Variants in DPP10 observed in about 807,000 individuals in gnomAD.
DPP10 encodes the protein dipeptidyl peptidase like 10.
DPP10 carries 33 observed loss-of-function variants against 120.9 expected under a neutral mutation model. The ratio of observed to expected loss-of-function variants is 0.27; its 90% confidence interval spans 0.21 to 0.37. DPP10 has a LOEUF of 0.37. Among genes scored for constraint, DPP10 ranks in the 10% least tolerant of loss-of-function variants. The pLI is 1.00. For missense variants in DPP10, 816 were observed against 942.8 expected (o/e 0.87, Z 1.76); for synonymous variants, 337 against 326.1 (o/e 1.03, Z -0.36).
Position 115,472,943 on chromosome 2 carries a change from T to C in DPP10, c.272-26567T>C, listed in dbSNP as rs1426685261. ...CTTCTGAGCAGGTCATACAAGAAGATTGGGAAGCTATCCTGGAAGTTAGCT... is the reference window on the plus strand; with the variant it reads ...CTTCTGAGCAGGTCATACAAGAAGACTGGGAAGCTATCCTGGAAGTTAGCT... On this transcript the variant is annotated intron_variant, in intron 3 of 25. Coordinates refer to ENST00000410059, the MANE Select transcript of DPP10 (RefSeq NM_020868.6). Among the ~76,000 whole-genome samples the C allele has an allele frequency of 2.6e-5, 4 of 152,170 alleles. No homozygotes were observed. In the East Asian group the frequency reaches 7.7e-4, roughly 29 times the overall value.
In DPP10 at chr2:115,737,813, T is replaced by C. The variant is rs151320918; in HGVS notation, c.698-1926T>C. 1.0e-3 allele frequency among the ~76,000 whole-genome samples: 156 copies of C among 152,308 alleles called. 4 individuals are homozygous for C. The East Asian group carries it at 0.017, about 17-fold the overall frequency. On this transcript the variant is annotated intron_variant, in intron 8 of 25. Coordinates refer to ENST00000410059, the MANE Select transcript of DPP10 (RefSeq NM_020868.6). The stretch of plus-strand genomic sequence containing the variant: ...AATTGTAACAAATTTTCTCTGACTT[T>C]AGAAGAGATATCCCGGTGTATCCCA...
chr2:115,414,783 G>A (rs1041388818), intron 3 of DPP10, among the ~76,000 whole-genome samples: 3 of 152,156 alleles, frequency 2.0e-5, no homozygotes, highest in Non-Finnish European at 4.4e-5. Flanking sequence ...GGAAAATGCT[G>A]ATCTCTGGAA....
chr2:115,179,015 C>G (rs1315308402), intron 1 of DPP10, among the ~76,000 whole-genome samples: 2 of 152,172 alleles, frequency 1.3e-5, no homozygotes, highest in Non-Finnish European at 2.9e-5. Flanking sequence ...TAATGGGGAT[C>G]TTAACAAATT....
intron 1 of DPP10, among the ~76,000 whole-genome samples, chr2:115,196,603 C>T (rs1056433514): frequency 2.0e-5 from 3 of 152,128 alleles, no homozygotes; most frequent in Non-Finnish European, 4.4e-5. Context: ...AATTTAATTT[C>T]CCTTCATGTT....
chr2:115,723,941 T>G (rs1022534696), intron 7 of DPP10, among the ~76,000 whole-genome samples: 6 of 152,198 alleles, frequency 3.9e-5, no homozygotes, highest in African/African-American at 7.2e-5. Flanking sequence ...CATTCACCAT[T>G]TTCAAATTTA....
At chr2:114,602,997 A>G (rs1333542840) in intron 1 of DPP10, among the ~76,000 whole-genome samples, 1 of 152,060 alleles carries the variant, frequency 6.6e-6, no homozygotes, top group East Asian at 1.9e-4. Flanking sequence ...GCTGTATTGT[A>G]AACATGGCGG....
chr2:115,372,055 A>C (rs868294604), intron 3 of DPP10, among the ~76,000 whole-genome samples: 3 of 152,108 alleles, frequency 2.0e-5, no homozygotes, highest in South Asian at 4.1e-4. Context: ...ACAAGTCTTA[A>C]AGTTTTCTTA....
chr2:114,945,035 T>C (rs1271264836), intron 1 of DPP10, among the ~76,000 whole-genome samples: 7 of 152,166 alleles, frequency 4.6e-5, no homozygotes, highest in Admixed American at 3.9e-4. Context: ...TGAGTGTCCA[T>C]ATGCAAAAAC....
At chr2:115,027,856 A>G (rs1288482426) in intron 1 of DPP10, among the ~76,000 whole-genome samples, 3 of 152,084 alleles carry the variant, frequency 2.0e-5, no homozygotes, top group Non-Finnish European at 2.9e-5. Flanking sequence ...ATATGTGTCA[A>G]GAAATGTATT....
At chr2:114,481,630 G>GACATGGACAAGCAACAACTT (rs1335663668) in intron 1 of DPP10, among the ~76,000 whole-genome samples, 1 of 152,124 alleles carries the variant, frequency 6.6e-6, no homozygotes, top group East Asian at 1.9e-4. Context: ...ACAATGGAAA[G>GACATGGACAAGCAACAACTT]AGATGGACAA....
intron 3 of DPP10, among the ~76,000 whole-genome samples, chr2:115,384,246 C>T (rs913811859): frequency 6.6e-6 from 1 of 152,090 alleles, no homozygotes; most frequent in Non-Finnish European, 1.5e-5. Flanking sequence ...GGTTGGCTCA[C>T]ACCTGTAATC....
intron 1 of DPP10, among the ~76,000 whole-genome samples, chr2:115,235,175 G>A (rs2057933566): frequency 6.6e-6 from 1 of 152,190 alleles, no homozygotes; most frequent in African/African-American, 2.4e-5. Flanking sequence ...GTGCAAGGAA[G>A]TTCAGAGAAT....
intron 5 of DPP10, among the ~76,000 whole-genome samples, chr2:115,545,982 C>G (rs145255190): frequency 2.2e-4 from 34 of 152,144 alleles, no homozygotes; most frequent in African/African-American, 7.5e-4. Flanking sequence ...CATTCTTGAC[C>G]TTGCTAGTTC....
chr2:115,680,778 AG>A lies in DPP10; in HGVS notation c.442-8906del, dbSNP rs375907514. Among the ~76,000 whole-genome samples, 448 of 152,062 alleles carry A rather than the reference AG, an allele frequency of 2.9e-3. 4 individuals carry two copies. Among genetic ancestry groups the A allele is most frequent in the African/African-American group, 0.011 (437 of 41,556 alleles). On this transcript the variant is annotated intron_variant, in intron 5 of 25. Coordinates refer to ENST00000410059, the MANE Select transcript of DPP10 (RefSeq NM_020868.6). ...CAAAATGAAAACACAGATGCTAAAT[AG>A]GGTAAAATGTTTACTACATACATAA...
intron 5 of DPP10, among the ~76,000 whole-genome samples, chr2:115,649,943 G>A (rs2087601506): frequency 6.6e-6 from 1 of 151,936 alleles, no homozygotes; most frequent in African/African-American, 2.4e-5. Flanking sequence ...CTCCAGTATG[G>A]AAAAACTAAG....
chr2:115,056,510 C>A (rs1468903618), intron 1 of DPP10, among the ~76,000 whole-genome samples: 3 of 152,246 alleles, frequency 2.0e-5, no homozygotes. Flanking sequence ...CAGGTGCATA[C>A]CCCCACATCT....
At chr2:114,850,693 G>A (rs1453382107) in intron 1 of DPP10, among the ~76,000 whole-genome samples, 3 of 152,010 alleles carry the variant, frequency 2.0e-5, no homozygotes, top group African/African-American at 7.2e-5. Context: ...TTGAGAATGG[G>A]GAGTCCACTT....
chr2:114,508,153 G>A (rs1394260337), intron 1 of DPP10, among the ~76,000 whole-genome samples: 1 of 151,764 alleles, frequency 6.6e-6, no homozygotes, highest in African/African-American at 2.4e-5. Context: ...CAATTTGATG[G>A]ATTTTGGTCA....
At chr2:114,735,682 T>A (rs931645074) in intron 1 of DPP10, among the ~76,000 whole-genome samples, 6 of 152,138 alleles carry the variant, frequency 3.9e-5, no homozygotes, top group African/African-American at 9.7e-5. Context: ...TCATGATCAC[T>A]TCCAAGAGGA....
Sources: gnomAD v4.1 joint callset for allele counts (sites outside exome capture counted in the v4.1 genomes callset) on GRCh38, gnomAD v4.1.1 for gene constraint, MANE v1.5 for transcripts, NCBI Gene and HGNC (gene_info 2026-07-23, HGNC 2026-07-21) for gene names.